KCNJ16: variants seen among roughly 807,000 people sequenced by gnomAD.
KCNJ16 encodes the protein potassium inwardly rectifying channel subfamily J member 16, also known as inward rectifier potassium channel 16.
In KCNJ16, 15 loss-of-function variants were observed where a neutral mutation model predicts 18.5. That is an observed-to-expected ratio of 0.81 (90% CI 0.54 to 1.25). KCNJ16 has a LOEUF of 1.25. Ranked by LOEUF, KCNJ16 falls within the 50% of genes most tolerant of loss-of-function variation. The pLI, the probability that KCNJ16 is intolerant of heterozygous loss-of-function variation, is 0.00. For missense variants in KCNJ16, 523 were observed against 525.7 expected, an observed-to-expected ratio of 0.99 and a Z score of 0.05; for synonymous variants, 174 against 186.5, an observed-to-expected ratio of 0.93 and a Z score of 0.55.
chr17:70,102,529 G>T (rs1199684551), intron 2 of KCNJ16, among the ~76,000 whole-genome samples: 1 of 152,064 alleles, frequency 6.6e-6, no homozygotes. Context: ...ACCTGCACAA[G>T]TAGTTATTTT....
intron 2 of KCNJ16, among the ~76,000 whole-genome samples, chr17:70,126,864 C>T (rs961282199): frequency 2.0e-5 from 3 of 152,124 alleles, no homozygotes; most frequent in African/African-American, 7.2e-5. Context: ...TACATTTCTT[C>T]TACTTCTTTA....
Position 70,132,209 on chromosome 17 carries a change from G to T in KCNJ16, c.122G>T (p.Gly41Val). ...RARRRLLHKD[G>V]SCNVYFKHIF... is the part of the protein sequence containing the mutation. ...AGAAGACGATTACTTCACAAAGATG[G>T]CAGCTGTAATGTCTACTTCAAGCAC... Residue 41 changes from glycine (G) to valine (V), a missense_variant, in exon 4 of 4, where the codon GGC becomes GTC. Coordinates refer to ENST00000392671, the MANE Select transcript of KCNJ16 (RefSeq NM_170741.4). 6.2e-7 allele frequency: 1 copy of T among 1,614,210 alleles called. No individual in the cohort carries two copies.
intron 1 of KCNJ16, among the ~76,000 whole-genome samples, chr17:70,097,773 A>C (rs1378860529): frequency 6.6e-6 from 1 of 151,800 alleles, no homozygotes; most frequent in African/African-American, 2.4e-5. Context: ...AAGAACCTTG[A>C]CTCTTTCCCA....
chr17:70,092,877 A>C (rs982519556), intron 1 of KCNJ16, among the ~76,000 whole-genome samples: 2 of 152,212 alleles, frequency 1.3e-5, no homozygotes, highest in Non-Finnish European at 2.9e-5. Flanking sequence ...ATTTTGTTCC[A>C]TCCAGACCCT....
intron 2 of KCNJ16, chr17:70,102,199 T>C (rs1051941215): frequency 1.3e-5 from 2 of 151,214 alleles, no homozygotes; most frequent in Non-Finnish European, 2.9e-5. Context: ...TTCTTTCTTC[T>C]TGTTCACCAA....
intron 2 of KCNJ16, among the ~76,000 whole-genome samples, chr17:70,106,999 T>C (rs1370422862): frequency 1.3e-5 from 2 of 152,204 alleles, no homozygotes; most frequent in Non-Finnish European, 2.9e-5. Context: ...CTTCTACCAT[T>C]GTTACAGTAG....
chr17:70,123,666 A>G (rs1201751473), intron 2 of KCNJ16, among the ~76,000 whole-genome samples: 1 of 152,194 alleles, frequency 6.6e-6, no homozygotes, highest in Non-Finnish European at 1.5e-5. Context: ...CAATAAATAC[A>G]ATGAGGCTTA....
chr17:70,079,940 T>C (rs2143540205), intron 1 of KCNJ16, among the ~76,000 whole-genome samples: 1 of 152,240 alleles, frequency 6.6e-6, no homozygotes, highest in South Asian at 2.1e-4. Flanking sequence ...TAGCCTCAAG[T>C]AATCCACCCA....
intron 1 of KCNJ16, among the ~76,000 whole-genome samples, chr17:70,080,609 A>T (rs962341318): frequency 2.0e-5 from 3 of 151,952 alleles, no homozygotes; most frequent in Admixed American, 6.6e-5. Flanking sequence ...GAAAATTTTG[A>T]GAAGTACTAT....
At chr17:70,100,383 T>C (rs528032879) in intron 1 of KCNJ16, among the ~76,000 whole-genome samples, 6 of 152,312 alleles carry the variant, frequency 3.9e-5, no homozygotes, top group Admixed American at 1.3e-4. Context: ...CTTTCATTTG[T>C]GGATCTTCCA....
chr17:70,092,676 C>G (rs1043147553), intron 1 of KCNJ16, among the ~76,000 whole-genome samples: 1 of 152,124 alleles, frequency 6.6e-6, no homozygotes, highest in Non-Finnish European at 1.5e-5. Flanking sequence ...AATATGCCAT[C>G]TGCAGCTGGA....
At chr17:70,108,674 T>G (rs927959929) in intron 2 of KCNJ16, among the ~76,000 whole-genome samples, 2 of 152,112 alleles carry the variant, frequency 1.3e-5, no homozygotes, top group African/African-American at 4.8e-5. Context: ...GTGAAATATC[T>G]CCCAATAAAC....
rs150000766 is a variant in KCNJ16, at chr17:70,098,105, A to G, written c.-299-2553A>G. On this transcript the variant is annotated intron_variant, in intron 1 of 3. Coordinates refer to ENST00000392671, the MANE Select transcript of KCNJ16 (RefSeq NM_170741.4). ...CCAGCTCTACCTCATACTTCTCCCC[A>G]TTTTAGATCCCAGGATGCAGCCAAG... Among the ~76,000 whole-genome samples the G allele has an allele frequency of 1.8e-3, 273 of 152,286 alleles. 1 individual carries two copies. Among genetic ancestry groups the G allele is most frequent in the African/African-American group, 6.4e-3 (265 of 41,568 alleles).
intron 1 of KCNJ16, among the ~76,000 whole-genome samples, chr17:70,079,996 T>C (rs1443606851): frequency 1.3e-5 from 2 of 152,168 alleles, no homozygotes; most frequent in Non-Finnish European, 2.9e-5. Flanking sequence ...AGCAACCACA[T>C]CTGGCAGTAC....
chr17:70,105,097 A>C (rs775589076), intron 2 of KCNJ16: 1 of 152,426 alleles, frequency 6.6e-6, no homozygotes, highest in African/African-American at 2.4e-5. Context: ...TTGTGGATTA[A>C]AAGTGTTCCA....
chr17:70,080,661 A>C (rs1026904868), intron 1 of KCNJ16, among the ~76,000 whole-genome samples: 4 of 152,178 alleles, frequency 2.6e-5, no homozygotes, highest in African/African-American at 9.6e-5. Flanking sequence ...GGGTTTGGTT[A>C]CTACTTGATT....
chr17:70,087,241 CTTA>C (rs1409225250), intron 1 of KCNJ16, among the ~76,000 whole-genome samples: 2 of 152,072 alleles, frequency 1.3e-5, no homozygotes, highest in East Asian at 3.9e-4. Flanking sequence ...TAGTAGAATT[CTTA>C]TTATGGCAAT....
intron 2 of KCNJ16, among the ~76,000 whole-genome samples, chr17:70,103,286 A>ATGTGTGAGATGTG (rs367701950): frequency 4.2e-4 from 44 of 103,810 alleles, no homozygotes; most frequent in African/African-American, 8.6e-4. Flanking sequence ...ATATGCATAT[A>ATGTGTGAGATGTG]TGTGTGTGTG....
chr17:70,090,650 A>T (rs552067288), intron 1 of KCNJ16, among the ~76,000 whole-genome samples: 8 of 152,208 alleles, frequency 5.3e-5, no homozygotes, highest in African/African-American at 1.9e-4. Context: ...AATAGTGCAC[A>T]ATACCGCTAA....
Sources: gnomAD v4.1 joint callset for allele counts (sites outside exome capture counted in the v4.1 genomes callset) on GRCh38, gnomAD v4.1.1 for gene constraint, MANE v1.5 for transcripts, NCBI Gene and HGNC (gene_info 2026-07-23, HGNC 2026-07-21) for gene names.